DGKI: variants seen among roughly 807,000 people sequenced by gnomAD.
The protein encoded by DGKI is diacylglycerol kinase iota, also known as DAG kinase iota.
Under a neutral mutation model 147.5 loss-of-function variants are expected in DGKI, and 55 were observed. The observed-to-expected ratio is 0.37, with a 90% CI of 0.30 to 0.47. The LOEUF (loss-of-function observed/expected upper bound fraction) is 0.47, where lower values mean the gene tolerates loss of function less well. Among genes scored for constraint, DGKI ranks in the 20% least tolerant of loss-of-function variants. DGKI has a pLI of 1.00. For missense variants in DGKI, 1,007 were observed against 1,323.8 expected (o/e 0.76, Z 3.71); for synonymous variants, 469 against 477.1 (o/e 0.98, Z 0.22).
intron 1 of DGKI, among the ~76,000 whole-genome samples, chr7:137,788,985 T>A (rs1796763919): frequency 6.6e-6 from 1 of 152,226 alleles, no homozygotes; most frequent in Non-Finnish European, 1.5e-5. Flanking sequence ...CAATAAGTAT[T>A]TGTTTAAATG....
At chr7:137,789,494 C>A (rs1389569323) in intron 1 of DGKI, among the ~76,000 whole-genome samples, 3 of 151,994 alleles carry the variant, frequency 2.0e-5, no homozygotes. Context: ...AACAGACTCC[C>A]ATAGAAACAT....
intron 12 of DGKI, among the ~76,000 whole-genome samples, chr7:137,596,229 T>A (rs769635014): frequency 6.6e-6 from 1 of 152,020 alleles, no homozygotes; most frequent in Non-Finnish European, 1.5e-5. Flanking sequence ...CCTCAACTTA[T>A]CTGTTTTTGT....
chr7:137,441,420 C>CAA (rs538892825), intron 28 of DGKI, among the ~76,000 whole-genome samples: 2,692 of 65,816 alleles, frequency 0.041, 87 homozygotes, highest in African/African-American at 0.065. Flanking sequence ...GACTCCGTCT[C>CAA]AAAAAAAAAA....
intron 1 of DGKI, among the ~76,000 whole-genome samples, chr7:137,765,830 C>G (rs1795999783): frequency 6.6e-6 from 1 of 152,204 alleles, no homozygotes; most frequent in Non-Finnish European, 1.5e-5. Flanking sequence ...CCAACCTTCC[C>G]ACTGGCTAAA....
intron 6 of DGKI, among the ~76,000 whole-genome samples, chr7:137,637,043 C>A (rs956192134): frequency 6.6e-6 from 1 of 152,166 alleles, no homozygotes; most frequent in African/African-American, 2.4e-5. Context: ...ATGCAATGAA[C>A]GAAGACATCG....
At chr7:137,709,177 T>A (rs1216792080) in intron 1 of DGKI, among the ~76,000 whole-genome samples, 2 of 152,190 alleles carry the variant, frequency 1.3e-5, no homozygotes, top group South Asian at 2.1e-4. Flanking sequence ...TTCAGTGTAC[T>A]TGATATGATA....
chr7:137,403,335 C>T (rs910699356), intron 30 of DGKI, among the ~76,000 whole-genome samples: 3 of 152,198 alleles, frequency 2.0e-5, no homozygotes, highest in Non-Finnish European at 4.4e-5. Context: ...AAATTCAAGC[C>T]TCCCATGGCG....
intron 8 of DGKI, among the ~76,000 whole-genome samples, chr7:137,618,151 A>ATTTTTTTTTTTTTTTTTT (rs1156891729): frequency 9.6e-5 from 1 of 10,450 alleles, no homozygotes; most frequent in African/African-American, 1.3e-4. Flanking sequence ...ATATATATAT[A>ATTTTTTTTTTTTTTTTTT]TTTTTTTTTT....
intron 20 of DGKI, among the ~76,000 whole-genome samples, chr7:137,539,399 A>G (rs939551608): frequency 1.3e-5 from 2 of 152,138 alleles, no homozygotes; most frequent in Non-Finnish European, 2.9e-5. Flanking sequence ...ACAACTCCAT[A>G]AAGATGTTCA....
In DGKI at chr7:137,753,361, G is replaced by A. The variant is rs139432703; in HGVS notation, c.402-63359C>T. ...CTGGCAGACAGTATTAAACTCAGCC[G>A]GGATCCCTGGGAGAGTCTGCCAGCA... On this transcript the variant is annotated intron_variant, in intron 1 of 32. Transcript: ENST00000614521. Among the ~76,000 whole-genome samples the A allele has an allele frequency of 5.1e-3, 777 of 152,232 alleles. 9 individuals are homozygous for A. Among genetic ancestry groups the A allele is most frequent in the African/African-American group, 0.018 (748 of 41,540 alleles).
chr7:137,472,335 A>ACAT (rs1218423235), intron 23 of DGKI, among the ~76,000 whole-genome samples: 5 of 115,780 alleles, frequency 4.3e-5, no homozygotes, highest in African/African-American at 2.1e-4. Flanking sequence ...ATATGTATAT[A>ACAT]TACATATAAT....
rs114364439 is a variant in DGKI, at chr7:137,390,958, T to A, written c.*262A>T. Reference sequence around the variant, plus strand: ...GAACACAGAAGTTCATGCTACTTGCTGGAAGCAATAAGGATCAAATTTTGT... The same window carrying A: ...GAACACAGAAGTTCATGCTACTTGCAGGAAGCAATAAGGATCAAATTTTGT... On this transcript the variant is annotated 3_prime_UTR_variant, in exon 33 of 33. Transcript: ENST00000614521. 2.7e-3 allele frequency: 1,278 copies of A among 469,506 alleles called. 19 individuals carry two copies. Among genetic ancestry groups the A allele is most frequent in the African/African-American group, 0.023 (1,159 of 49,554 alleles). The allele number at this position is 469,506 out of a possible 1,614,324, so 29.1% of individuals were successfully genotyped here.
intron 20 of DGKI, among the ~76,000 whole-genome samples, chr7:137,526,274 T>G (rs1224709141): frequency 6.6e-6 from 1 of 152,210 alleles, no homozygotes; most frequent in African/African-American, 2.4e-5. Context: ...ACTGCCATAC[T>G]GATTAGGCTC....
chr7:137,437,562 C>T lies in DGKI; in HGVS notation c.2761+6515G>A, dbSNP rs140417131. Among the ~76,000 whole-genome samples the T allele has an allele frequency of 1.9e-3, 285 of 152,146 alleles. 1 individual carries two copies. The highest frequency in any genetic ancestry group is 6.2e-3 in the African/African-American group (259 of 41,514). ...GAATGATGCATTATCATAGAAATAT[C>T]AATTTTCTTTATACAAATTTATAGA... is the stretch of plus-strand genomic sequence containing the variant. On this transcript the variant is annotated intron_variant, in intron 28 of 32. Transcript: ENST00000614521.
At chr7:137,701,521 T>C (rs1462908083) in intron 1 of DGKI, among the ~76,000 whole-genome samples, 2 of 152,174 alleles carry the variant, frequency 1.3e-5, no homozygotes, top group Admixed American at 6.5e-5. Flanking sequence ...AGACACTATA[T>C]ACAAAAGTCA....
intron 8 of DGKI, among the ~76,000 whole-genome samples, chr7:137,612,798 T>A (rs887969123): frequency 6.6e-6 from 1 of 152,174 alleles, no homozygotes; most frequent in East Asian, 1.9e-4. Flanking sequence ...CAAGGGCAGC[T>A]AACTCGGTGA....
chr7:137,607,532 G>A lies in DGKI; in HGVS notation c.1167+1434C>T, dbSNP rs533338001. Among the ~76,000 whole-genome samples the A allele has an allele frequency of 6.6e-5, 10 of 152,248 alleles. 1 individual carries two copies. Among genetic ancestry groups the A allele is most frequent in the African/African-American group, 1.2e-4 (5 of 41,532 alleles). On this transcript the variant is annotated intron_variant, in intron 10 of 32. Coordinates refer to ENST00000614521, the MANE Select transcript of DGKI (RefSeq NM_001321708.2). The stretch of plus-strand genomic sequence containing the variant: ...ATAGATAACTTACTAGCCTCTGTGC[G>A]CCCTAGGAAAGAGAGCTTATAATGA...
intron 1 of DGKI, among the ~76,000 whole-genome samples, chr7:137,761,249 G>C (rs932581552): frequency 6.6e-6 from 1 of 152,148 alleles, no homozygotes; most frequent in Non-Finnish European, 1.5e-5. Context: ...TTTTGCCACT[G>C]TGTTTCCTAA....
chr7:137,556,766 G>A (rs1277526442), intron 19 of DGKI, among the ~76,000 whole-genome samples: 4 of 152,084 alleles, frequency 2.6e-5, no homozygotes, highest in Non-Finnish European at 5.9e-5. Context: ...CCAATTCAAT[G>A]TAATTCAAAT....
Sources: allele counts gnomAD v4.1 joint callset (sites outside exome capture counted in the v4.1 genomes callset), GRCh38; gene constraint gnomAD v4.1.1; transcripts MANE v1.5; gene names NCBI Gene and HGNC (gene_info 2026-07-23, HGNC 2026-07-21).